ZNF461: variants seen among roughly 807,000 people sequenced by gnomAD.
ZNF461 encodes zinc finger protein 461.
Under a neutral mutation model 18.3 loss-of-function variants are expected in ZNF461, and 16 were observed. The ratio of observed to expected loss-of-function variants is 0.88; its 90% confidence interval spans 0.59 to 1.33. The LOEUF (loss-of-function observed/expected upper bound fraction) is 1.33. ZNF461 is among the 40% of genes most tolerant of loss of function. ZNF461 has a pLI of 0.00. For missense variants in ZNF461, 595 were observed against 669.9 expected, an observed-to-expected ratio of 0.89 and a Z score of 1.23; for synonymous variants, 179 against 216.9, an observed-to-expected ratio of 0.83 and a Z score of 1.54.
intron 4 of ZNF461, among the ~76,000 whole-genome samples, chr19:36,654,287 C>T (rs954728251): frequency 6.6e-6 from 1 of 151,978 alleles, no homozygotes; most frequent in African/African-American, 2.4e-5. Flanking sequence ...TATTAGTTTC[C>T]TAGGGCTGCC....
intron 3 of ZNF461, chr19:36,658,034 A>C (rs897308779): frequency 1.9e-5 from 8 of 422,346 alleles, no homozygotes; most frequent in Admixed American, 3.9e-5. Context: ...ATGCTTTAAC[A>C]TTGCAGATTT....
chr19:36,639,947 C>A lies in ZNF461; in HGVS notation c.398G>T (p.Ser133Ile). The A allele has an allele frequency of 2.5e-6, 4 of 1,613,844 alleles. No individual in the cohort carries two copies. In the South Asian group the frequency reaches 3.3e-5, roughly 13 times the overall value. ...GAAAATTGATCTCTCAGGACTATGG[C>A]TTTTAAATTCTTCCATGTTAACCCA... ...SQWVNMEEFK[S>I]HSPERSIFSA... The change falls in exon 6 of 6, where the codon AGC becomes ATC. Residue 133 changes from serine (S) to isoleucine (I), a missense_variant. By Grantham distance (142) the Ser-to-Ile change is moderately radical (BLOSUM62 -2). Coordinates refer to ENST00000588268, the MANE Select transcript of ZNF461 (RefSeq NM_153257.5).
At chr19:36,646,358 C>G (rs796424370) in intron 4 of ZNF461, among the ~76,000 whole-genome samples, 5 of 152,262 alleles carry the variant, frequency 3.3e-5, no homozygotes, top group African/African-American at 1.2e-4. Flanking sequence ...TCTCGAACTC[C>G]TGACCTCAGG....
At chr19:36,658,936 C>T (rs1462608522) in intron 2 of ZNF461, among the ~76,000 whole-genome samples, 2 of 152,172 alleles carry the variant, frequency 1.3e-5, no homozygotes, top group Non-Finnish European at 2.9e-5. Context: ...ACCTTGACAT[C>T]CCCCTTCCAA....
chr19:36,648,250 G>A (rs1345000484), intron 4 of ZNF461, among the ~76,000 whole-genome samples: 1 of 151,818 alleles, frequency 6.6e-6, no homozygotes, highest in Non-Finnish European at 1.5e-5. Context: ...CTTTCACCAT[G>A]TAAAGTGCCT....
intron 2 of ZNF461, among the ~76,000 whole-genome samples, chr19:36,661,274 T>A: frequency 7.4e-6 from 1 of 134,420 alleles, no homozygotes; most frequent in African/African-American, 2.7e-5. Flanking sequence ...CATGACCCAG[T>A]CTCTTTAAAA....
Position 36,639,772 on chromosome 19 carries a change from G to T in ZNF461, c.573C>A (p.Ile191=), listed in dbSNP as rs745638512. The T allele has an allele frequency of 6.2e-7, 1 of 1,613,510 alleles. No individual in the cohort carries two copies. The highest frequency in any genetic ancestry group is 1.3e-5 in the African/African-American group (1 of 74,884). Residue 191 remains isoleucine (I), a synonymous_variant, in exon 6 of 6, where the codon ATC becomes ATA. Coordinates refer to ENST00000588268, the MANE Select transcript of ZNF461 (RefSeq NM_153257.5). ...TTTTTCTACACTTTTTACATTCAGA[G>T]ATTTTCTCTCTATCATAAAATTCTT... ...LTQEFYDREK[I]SECKKCRKIF... is the part of the protein sequence containing the mutation.
At chr19:36,666,488 C>A (rs1315510041) in intron 1 of ZNF461, among the ~76,000 whole-genome samples, 1 of 152,158 alleles carries the variant, frequency 6.6e-6, no homozygotes, top group African/African-American at 2.4e-5. Context: ...CCCATTTACA[C>A]AAATGATCAG....
chr19:36,651,704 G>T (rs1368712025), intron 4 of ZNF461, among the ~76,000 whole-genome samples: 2 of 152,182 alleles, frequency 1.3e-5, no homozygotes, highest in African/African-American at 2.4e-5. Flanking sequence ...ATTTGGAGAG[G>T]CACGCTGTGT....
At chr19:36,652,329 TA>T (rs112406782) in intron 4 of ZNF461, among the ~76,000 whole-genome samples, 373 of 138,730 alleles carry the variant, frequency 2.7e-3, no homozygotes, top group Middle Eastern at 3.7e-3. Flanking sequence ...CCGCCTCTAC[TA>T]AAAAAAAAAA....
chr19:36,662,411 G>A lies in ZNF461; in HGVS notation c.9+2287C>T, dbSNP rs367572148. ...AGCTGGGATTACAGATGCGCACCAC[G>A]ACACCCAGCTAATTTTTGTATTTTT... is the stretch of plus-strand genomic sequence containing the variant. On this transcript the variant is annotated intron_variant, in intron 2 of 5. Coordinates refer to ENST00000588268, the MANE Select transcript of ZNF461 (RefSeq NM_153257.5). Among the ~76,000 whole-genome samples, 12 of 151,542 alleles carry A rather than the reference G, an allele frequency of 7.9e-5. 1 individual carries two copies. In the South Asian group the frequency reaches 1.3e-3, roughly 16 times the overall value.
At chr19:36,658,567 G>T in intron 2 of ZNF461, 142 bp from the exon 3 acceptor site, 1 of 765,178 alleles carries the variant, frequency 1.3e-6, no homozygotes, top group Non-Finnish European at 2.1e-6. Flanking sequence ...GGGTCAAAGA[G>T]GAATTTAGTG....
intron 4 of ZNF461, among the ~76,000 whole-genome samples, chr19:36,647,282 G>A (rs187721958): frequency 2.6e-5 from 4 of 152,326 alleles, no homozygotes; most frequent in Non-Finnish European, 4.4e-5. Flanking sequence ...GTTCACGCTT[G>A]TAATCTCAGC....
intron 5 of ZNF461, 95 bp downstream of exon 5, chr19:36,643,699 T>C: frequency 1.7e-6 from 2 of 1,201,988 alleles, no homozygotes. Flanking sequence ...GTTTCTAGAG[T>C]AGTAGGTTTG....
intron 4 of ZNF461, among the ~76,000 whole-genome samples, chr19:36,647,495 C>T (rs548452133): frequency 6.6e-5 from 10 of 151,760 alleles, no homozygotes; most frequent in Non-Finnish European, 1.3e-4. Flanking sequence ...AGCTGAGATG[C>T]GCCAGTGCAC....
chr19:36,641,214 CATTT>C (rs1795164469), intron 5 of ZNF461, among the ~76,000 whole-genome samples: 1 of 152,012 alleles, frequency 6.6e-6, no homozygotes, highest in African/African-American at 2.4e-5. Context: ...ATTACATATT[CATTT>C]ATTAATCTTT....
Position 36,651,631 on chromosome 19 carries a change from G to A in ZNF461, c.232+4817C>T, listed in dbSNP as rs936072614. Among the ~76,000 whole-genome samples, 4 of 152,104 alleles carry A rather than the reference G, an allele frequency of 2.6e-5. No homozygotes were observed. In the East Asian group the frequency reaches 7.7e-4, roughly 29 times the overall value. ...CTTAGGTATAAAACTAACAAAACTT[G>A]TACAGATTCTGTATGATGAAAATTG... On this transcript the variant is annotated intron_variant, in intron 4 of 5. Transcript: ENST00000588268.
chr19:36,640,872 C>T (rs2037411734), intron 5 of ZNF461, among the ~76,000 whole-genome samples: 1 of 152,212 alleles, frequency 6.6e-6, no homozygotes, highest in South Asian at 2.1e-4. Context: ...AGCAGCTTAA[C>T]CTACAAATAC....
At chr19:36,649,961 G>A (rs796384305) in intron 4 of ZNF461, among the ~76,000 whole-genome samples, 76 of 152,242 alleles carry the variant, frequency 5.0e-4, no homozygotes, top group African/African-American at 1.8e-3. Flanking sequence ...TGGATCATGA[G>A]GTCAGGAGTT....
Sources: gnomAD v4.1 joint callset for allele counts (sites outside exome capture counted in the v4.1 genomes callset) on GRCh38, gnomAD v4.1.1 for gene constraint, MANE v1.5 for transcripts, NCBI Gene and HGNC (gene_info 2026-07-23, HGNC 2026-07-21) for gene names.